The following SIRT5 variants were observed in gnomAD, a reference collection of about 807,000 sequenced individuals.
SIRT5 encodes the protein NAD-dependent protein deacylase sirtuin-5, mitochondrial.
In SIRT5, 26 loss-of-function variants were observed where a neutral mutation model predicts 40.0. The observed-to-expected ratio is 0.65, with a 90% CI of 0.48 to 0.90. The LOEUF (loss-of-function observed/expected upper bound fraction) is 0.90, where lower values mean the gene tolerates loss of function less well. SIRT5 is among the 40% of genes least tolerant of loss of function. The pLI is 0.00. For missense variants in SIRT5, 401 were observed against 402.4 expected, an observed-to-expected ratio of 1.00 and a Z score of 0.03; for synonymous variants, 146 against 149.1, an observed-to-expected ratio of 0.98 and a Z score of 0.15.
In SIRT5 at chr6:13,588,426, A is replaced by G. The variant is rs201440696; in HGVS notation, c.211A>G (p.Arg71Gly). 4 of 1,614,086 alleles carry G rather than the reference A, an allele frequency of 2.5e-6. No individual in the cohort carries two copies. The highest frequency in any genetic ancestry group is 3.4e-6 in the Non-Finnish European group (4 of 1,180,044). The part of the protein sequence containing the change: ...VSAESGVPTF[R>G]GAGGYWRKWQ... ...TGCAGAAAGTGGTGTTCCGACCTTC[A>G]GAGGAGCTGGAGGTTATTGGAGAAA... The change falls in exon 4 of 10, where the codon AGA (arginine) becomes GGA (glycine). Residue 71 changes from arginine to glycine, a missense_variant. Transcript: ENST00000606117.
At chr6:13,604,592 ACAACC>A (rs1762856696) in intron 9 of SIRT5, 1 of 1,546,140 alleles carries the variant, frequency 6.5e-7, no homozygotes, top group Non-Finnish European at 8.7e-7. Flanking sequence ...GAGTATTTCC[ACAACC>A]CAAGTTTAGA....
rs1760918260 is a variant in SIRT5 at position 13,591,689 on chromosome 6, C to T, written c.270C>T (p.Ala90=). The part of the protein sequence containing the change: ...WQAQDLATPL[A]FAHNPSRVWE... Reference sequence around the variant, plus strand: ...CCCAGGACCTGGCGACTCCCCTGGCCTTTGCCCACAACCCGTCCCGGGTGT... The same window carrying T: ...CCCAGGACCTGGCGACTCCCCTGGCTTTTGCCCACAACCCGTCCCGGGTGT... Residue 90 remains alanine (A), a synonymous_variant, in exon 5 of 10, where the codon GCC becomes GCT. Coordinates refer to ENST00000606117, the MANE Select transcript of SIRT5 (RefSeq NM_012241.5). 6.3e-7 allele frequency: 1 copy of T among 1,593,248 alleles called. No individual in the cohort carries two copies. The highest frequency in any genetic ancestry group is 8.6e-7 in the Non-Finnish European group (1 of 1,166,270).
chr6:13,577,462 G>A (rs528321433), intron 1 of SIRT5, among the ~76,000 whole-genome samples: 3 of 151,656 alleles, frequency 2.0e-5, no homozygotes, highest in African/African-American at 7.2e-5. Context: ...TTAGAGTATA[G>A]AAACACCACT....
intron 1 of SIRT5, among the ~76,000 whole-genome samples, chr6:13,576,114 A>G (rs1406504778): frequency 6.6e-6 from 1 of 152,236 alleles, no homozygotes; most frequent in Non-Finnish European, 1.5e-5. Context: ...TGAAAACAAC[A>G]CAGGAATGCA....
At chr6:13,580,887 C>T (rs1759262778) in intron 2 of SIRT5, among the ~76,000 whole-genome samples, 1 of 152,178 alleles carries the variant, frequency 6.6e-6, no homozygotes, top group East Asian at 1.9e-4. Context: ...TCTCGAACTC[C>T]TGGGCTCAAG....
intron 1 of SIRT5, among the ~76,000 whole-genome samples, chr6:13,577,263 A>G (rs913832258): frequency 2.6e-5 from 4 of 152,196 alleles, no homozygotes; most frequent in African/African-American, 9.6e-5. Context: ...TTTAACAACC[A>G]TTAATTTTTC....
At chr6:13,604,367 C>T in intron 9 of SIRT5, 1 of 780,298 alleles carries the variant, frequency 1.3e-6, no homozygotes, top group African/African-American at 1.8e-5. Flanking sequence ...AGCCTCCTGT[C>T]TGTTTGAAAG....
At chr6:13,590,789 GTGTA>G (rs1195959180) in intron 4 of SIRT5, among the ~76,000 whole-genome samples, 20 of 151,680 alleles carry the variant, frequency 1.3e-4, no homozygotes, top group African/African-American at 4.4e-4. Flanking sequence ...GTTTAGTTGT[GTGTA>G]TGTAGTTGTG....
intron 5 of SIRT5, among the ~76,000 whole-genome samples, chr6:13,594,021 C>G (rs72829104): frequency 1.5e-4 from 23 of 152,132 alleles, no homozygotes; most frequent in Non-Finnish European, 5.9e-5. Flanking sequence ...ACACACCTTC[C>G]GCAAGTTCGC....
chr6:13,610,677 C>A (rs554694031), intron 9 of SIRT5, among the ~76,000 whole-genome samples: 2 of 152,176 alleles, frequency 1.3e-5, no homozygotes, highest in Non-Finnish European at 2.9e-5. Flanking sequence ...ATTCCCTAAA[C>A]GCTCCCCATG....
intron 5 of SIRT5, among the ~76,000 whole-genome samples, chr6:13,593,276 G>A (rs532431116): frequency 8.5e-5 from 13 of 152,264 alleles, no homozygotes; most frequent in Non-Finnish European, 1.9e-4. Flanking sequence ...TTGTTTTTGC[G>A]TGTGTGTGGT....
intron 2 of SIRT5, among the ~76,000 whole-genome samples, chr6:13,581,360 C>T (rs1210279224): frequency 1.3e-5 from 2 of 152,154 alleles, no homozygotes; most frequent in Admixed American, 6.5e-5. Context: ...GTGTGTAGAA[C>T]GCCCCTCAGC....
intron 2 of SIRT5, among the ~76,000 whole-genome samples, chr6:13,580,102 T>C (rs1759141979): frequency 6.6e-6 from 1 of 152,214 alleles, no homozygotes; most frequent in Non-Finnish European, 1.5e-5. Flanking sequence ...GTCTGTTCAC[T>C]TCCCTCTAGC....
chr6:13,588,498 G>A lies in SIRT5; in HGVS notation c.249+34G>A, dbSNP rs763075245. ...AGTTTCCAGAACATTAAAAGCCTCT[G>A]TCGAATGAAACCATAACAGAGTTTG... is the stretch of plus-strand genomic sequence containing the variant. On this transcript the variant is annotated intron_variant, in intron 4 of 9. Transcript: ENST00000606117. 3.1e-6 allele frequency: 5 copies of A among 1,601,444 alleles called. No individual in the cohort carries two copies. The South Asian group carries it at 5.6e-5, about 18-fold the overall frequency.
At chr6:13,605,719 C>A in intron 9 of SIRT5, 1 of 985,404 alleles carries the variant, frequency 1.0e-6, no homozygotes, top group Admixed American at 6.1e-5. Context: ...CCAATAAACC[C>A]TAGGCATTTT....
At chr6:13,574,930 G>T (rs1401997358) in intron 1 of SIRT5, among the ~76,000 whole-genome samples, 186 bp downstream of exon 1, 1 of 152,114 alleles carries the variant, frequency 6.6e-6, no homozygotes, top group African/African-American at 2.4e-5. Context: ...AGCTGCCAGG[G>T]TGACCGAGGA....
intron 9 of SIRT5, among the ~76,000 whole-genome samples, chr6:13,608,321 T>TGGG (rs1293635948): frequency 6.6e-6 from 1 of 152,210 alleles, no homozygotes; most frequent in African/African-American, 2.4e-5. Flanking sequence ...TACAATGGCT[T>TGGG]ATGCCTGTAA....
chr6:13,596,584 T>G (rs895253169), intron 6 of SIRT5, among the ~76,000 whole-genome samples: 1 of 152,104 alleles, frequency 6.6e-6, no homozygotes, highest in Admixed American at 6.5e-5. Context: ...ACTCCTGGGC[T>G]CGAGCAATCC....
chr6:13,584,625 A>G (rs868282515), intron 3 of SIRT5, among the ~76,000 whole-genome samples: 27 of 152,214 alleles, frequency 1.8e-4, no homozygotes, highest in African/African-American at 6.5e-4. Flanking sequence ...CTGGGATTAC[A>G]GGCATGAGCC....
Sources: gnomAD v4.1 joint callset for allele counts (sites outside exome capture counted in the v4.1 genomes callset) on GRCh38, gnomAD v4.1.1 for gene constraint, MANE v1.5 for transcripts, NCBI Gene and HGNC (gene_info 2026-07-23, HGNC 2026-07-21) for gene names.